SARAF: variants seen among roughly 807,000 people sequenced by gnomAD.
SARAF encodes the protein store-operated calcium entry-associated regulatory factor.
In SARAF, 23 loss-of-function variants were observed where a neutral mutation model predicts 39.7. The ratio of observed to expected loss-of-function variants is 0.58; its 90% CI spans 0.42 to 0.82. SARAF has a LOEUF of 0.82. Ranked by LOEUF, SARAF falls within the 40% of genes least tolerant of loss-of-function variation. SARAF has a pLI of 0.00. For synonymous variants in SARAF, 175 were observed against 168.5 expected, an observed-to-expected ratio of 1.04 and a Z score of -0.30; for missense variants, 384 against 418.5, an observed-to-expected ratio of 0.92 and a Z score of 0.72.
At position 30,082,934 on chromosome 8, in the gene SARAF, C is replaced by T; in HGVS notation, c.16G>A (p.Gly6Arg). The change falls in exon 1 of 6, where the codon GGG becomes AGG. Residue 6 changes from glycine (G) to arginine (R), a missense_variant. Physicochemically the swap from Gly to Arg is moderately radical, Grantham distance 125 (BLOSUM62 -2). Coordinates refer to ENST00000256255, the MANE Select transcript of SARAF (RefSeq NM_016127.6). ...AAGCAGTACCCGGCCGCTCCCGGCC[C>T]GCAGGCTGCGGCCATGGCGCTCGAT... MAAAC[G>R]PGAAGYCLLL... 6.5e-7 allele frequency: 1 copy of T among 1,546,236 alleles called. No individual in the cohort carries two copies. Among genetic ancestry groups the T allele is most frequent in the South Asian group, 1.2e-5 (1 of 83,542 alleles).
At position 30,066,115 on chromosome 8, in the gene SARAF, C is replaced by G. The variant is rs376454705; in HGVS notation, c.867G>C (p.Ser289=). 1 of 1,614,052 alleles carries G rather than the reference C, an allele frequency of 6.2e-7. No homozygotes were observed. Among genetic ancestry groups the G allele is most frequent in the Non-Finnish European group, 8.5e-7 (1 of 1,179,990 alleles). The stretch of plus-strand genomic sequence containing the variant: ...AGGGAGGATAGGACGGGTAGTACCA[C>G]GAGTCTGAGAAGGGTGTTGCCGCTC... ...SNRAATPFSD[S]WYYPSYPPSY... The change falls in exon 5 of 6, where the codon TCG becomes TCC. Residue 289 remains serine, a synonymous_variant. Coordinates refer to ENST00000256255, the MANE Select transcript of SARAF (RefSeq NM_016127.6).
intron 1 of SARAF, 34 bp downstream of exon 1, chr8:30,082,813 G>A (rs1802139090): frequency 3.5e-6 from 5 of 1,415,292 alleles, no homozygotes; most frequent in African/African-American, 1.5e-5. Context: ...GGAAAAGGGC[G>A]AACGAAGCGC....
At chr8:30,080,461 C>T (rs1204059665) in intron 1 of SARAF, among the ~76,000 whole-genome samples, 1 of 152,338 alleles carries the variant, frequency 6.6e-6, no homozygotes, top group African/African-American at 2.4e-5. Flanking sequence ...TCTGCCCGCA[C>T]ACCATGTCCT....
At chr8:30,071,807 A>G (rs1801852985) in intron 2 of SARAF, among the ~76,000 whole-genome samples, 1 of 139,536 alleles carries the variant, frequency 7.2e-6, no homozygotes, top group Admixed American at 7.6e-5. Context: ...TTATGGCTAA[A>G]TAATATTTCT....
upstream of SARAF, chr8:30,083,147 T>C (rs1443937761): frequency 4.1e-6 from 2 of 484,538 alleles, no homozygotes; most frequent in Non-Finnish European, 3.6e-6. Context: ...GCTCAGTGAG[T>C]GGCCGCCGTG....
At chr8:30,074,202 T>A in intron 1 of SARAF, 147 bp from the exon 2 acceptor site, 1 of 886,278 alleles carries the variant, frequency 1.1e-6, no homozygotes, top group Non-Finnish European at 1.6e-6. Context: ...CTCAAAACTA[T>A]CCCAACAACA....
intron 3 of SARAF, 58 bp downstream of exon 3, chr8:30,069,584 C>A: frequency 1.3e-6 from 2 of 1,485,516 alleles, no homozygotes; most frequent in East Asian, 2.3e-5. Context: ...CAGAACCAAG[C>A]ACAGGATGCA....
chr8:30,066,487 T>C (rs1801696239), intron 4 of SARAF, among the ~76,000 whole-genome samples: 1 of 152,196 alleles, frequency 6.6e-6, no homozygotes, highest in South Asian at 2.1e-4. Context: ...GTTCCCCAAA[T>C]GCTGTCTTCT....
intron 2 of SARAF, among the ~76,000 whole-genome samples, chr8:30,070,263 CCAGGCGCAGTGG>C (rs1563353622): frequency 6.6e-6 from 1 of 152,084 alleles, no homozygotes; most frequent in Non-Finnish European, 1.5e-5. Flanking sequence ...CAAAAATTAG[CCAGGCGCAGTGG>C]CAGGCGCCTA....
chr8:30,065,703 T>TA (rs774713453), intron 5 of SARAF: 53 of 338,506 alleles, frequency 1.6e-4, no homozygotes, highest in Non-Finnish European at 2.9e-4. Flanking sequence ...GTTTAGAACT[T>TA]AAAGGATCTC....
At chr8:30,065,957 G>C (rs1485019687) in intron 5 of SARAF, 31 bp downstream of exon 5, 2 of 1,551,504 alleles carry the variant, frequency 1.3e-6, no homozygotes, top group Non-Finnish European at 1.8e-6. Context: ...TTTACTCCTA[G>C]GTAAAAGGAA....
chr8:30,063,861 T>C lies in SARAF; in HGVS notation c.*27A>G. 1.2e-6 allele frequency: 2 copies of C among 1,610,202 alleles called. No homozygotes were observed. Among genetic ancestry groups the C allele is most frequent in the East Asian group, 4.5e-5 (2 of 44,816 alleles). ...TGATGAAAAATCCAAAATTTCTGCA[T>C]CCAGTGTTTGACTCCAACTTTCTAC... On this transcript the variant is annotated 3_prime_UTR_variant, in exon 6 of 6. Transcript: ENST00000256255.
At chr8:30,081,506 G>C (rs184404826) in intron 1 of SARAF, among the ~76,000 whole-genome samples, 4 of 152,292 alleles carry the variant, frequency 2.6e-5, no homozygotes, top group East Asian at 1.9e-4. Context: ...AATACAACTT[G>C]GCTTTTTATT....
intron 1 of SARAF, among the ~76,000 whole-genome samples, chr8:30,075,991 C>T (rs11330212): frequency 3.2e-5 from 1 of 30,970 alleles, no homozygotes; most frequent in South Asian, 1.1e-3. Context: ...TAAAAAAAAA[C>T]AAAAAAAAAA....
chr8:30,077,315 A>G (rs1338104773), intron 1 of SARAF, among the ~76,000 whole-genome samples: 1 of 152,088 alleles, frequency 6.6e-6, no homozygotes, highest in Non-Finnish European at 1.5e-5. Flanking sequence ...AACATTAGCC[A>G]GGTATGGTGG....
chr8:30,074,426 T>C (rs1190721972), intron 1 of SARAF, among the ~76,000 whole-genome samples: 2 of 152,232 alleles, frequency 1.3e-5, no homozygotes, highest in African/African-American at 2.4e-5. Flanking sequence ...TTTAATGCTT[T>C]AAATGTCCAT....
In SARAF at chr8:30,080,878, G is replaced by A. The variant is rs1461978332; in HGVS notation, c.103+1969C>T. Among the ~76,000 whole-genome samples, 4 of 152,132 alleles carry A rather than the reference G, an allele frequency of 2.6e-5. No individual in the cohort carries two copies. The East Asian group carries it at 5.8e-4, about 22-fold the overall frequency. On this transcript the variant is annotated intron_variant, in intron 1 of 5. Coordinates refer to ENST00000256255, the MANE Select transcript of SARAF (RefSeq NM_016127.6). ...CAAAGTGCCGGGTGCGGTGGCTCAC[G>A]CCTGTAATCCCAGCACTTTGGGAGG...
At position 30,066,986 on chromosome 8, in the gene SARAF, G is replaced by A. The variant is rs1317020727; in HGVS notation, c.701-68C>T. 3.4e-6 allele frequency: 5 copies of A among 1,475,940 alleles called. No individual in the cohort carries two copies. In the East Asian group the frequency reaches 9.1e-5, roughly 27 times the overall value. The allele number at this position is 1,475,940 out of a possible 1,614,324, so 91.4% of individuals were successfully genotyped here. A position where few individuals can be genotyped will look rare whatever the true frequency, so the allele number is the denominator to read the frequency against. On this transcript the variant is annotated intron_variant, in intron 3 of 5. Coordinates refer to ENST00000256255, the MANE Select transcript of SARAF (RefSeq NM_016127.6). ...GACAGTCTACAAAAGCAAAGATAATGTAACATTTCAATTATTTCATCTGTA... is the reference window on the plus strand; with the variant it reads ...GACAGTCTACAAAAGCAAAGATAATATAACATTTCAATTATTTCATCTGTA...
At chr8:30,067,037 T>C in intron 3 of SARAF, 119 bp from the exon 4 acceptor site, 2 of 1,047,062 alleles carry the variant, frequency 1.9e-6, no homozygotes, top group Non-Finnish European at 2.8e-6. Flanking sequence ...TACTCAGGCA[T>C]CAAGTTATTA....
Sources: allele counts gnomAD v4.1 joint callset (sites outside exome capture counted in the v4.1 genomes callset), GRCh38; gene constraint gnomAD v4.1.1; transcripts MANE v1.5; gene names NCBI Gene and HGNC (gene_info 2026-07-23, HGNC 2026-07-21).